The following NFIA variants were observed in gnomAD, a reference collection of about 807,000 sequenced individuals.
NFIA encodes the protein nuclear factor 1 A-type.
NFIA carries 8 observed loss-of-function variants against 62.8 expected under a neutral mutation model. The ratio of observed to expected loss-of-function variants is 0.13; its 90% CI spans 0.07 to 0.23. NFIA has a LOEUF of 0.23. Among genes scored for constraint, NFIA ranks in the 10% least tolerant of loss-of-function variants. NFIA has a pLI of 1.00. For missense variants in NFIA, 410 were observed against 642.1 expected (o/e 0.64, Z 3.91); for synonymous variants, 235 against 238.1 (o/e 0.99, Z 0.12).
At chr1:61,390,806 A>C (rs1487942402) in intron 7 of NFIA, among the ~76,000 whole-genome samples, 1 of 152,218 alleles carries the variant, frequency 6.6e-6, no homozygotes, top group Non-Finnish European at 1.5e-5. Flanking sequence ...TTTATCATTT[A>C]TCTCTGAATC....
At chr1:61,089,583 C>A (rs1008091405) in intron 2 of NFIA, among the ~76,000 whole-genome samples, 3 of 151,584 alleles carry the variant, frequency 2.0e-5, no homozygotes, top group African/African-American at 7.3e-5. Flanking sequence ...ATGTACATAT[C>A]GGTCTTGCTA....
intron 2 of NFIA, among the ~76,000 whole-genome samples, chr1:61,137,264 A>G (rs1647213562): frequency 6.6e-6 from 1 of 152,208 alleles, no homozygotes; most frequent in Non-Finnish European, 1.5e-5. Context: ...ATACCTTACC[A>G]TCTCATTTAA....
chr1:61,082,634 G>A lies in NFIA; in HGVS notation c.-158G>A. 2.0e-6 allele frequency: 3 copies of A among 1,513,150 alleles called. No homozygotes were observed. The South Asian group carries it at 3.8e-5, about 19-fold the overall frequency. The allele number at this position is 1,513,150 out of a possible 1,614,324, so 93.7% of individuals were successfully genotyped here. ...TGCAGTTGAGCCGACTTGGAAATGT[G>A]AACGCAAGAAGCAGGCTTGATTTTT... On this transcript the variant is annotated 5_prime_UTR_variant, in exon 1 of 11. An upstream open reading frame in the 5' UTR loses its in-frame stop. Coordinates refer to ENST00000403491, the MANE Select transcript of NFIA (RefSeq NM_001134673.4).
At chr1:61,101,331 G>T (rs916932808) in intron 2 of NFIA, among the ~76,000 whole-genome samples, 1 of 150,632 alleles carries the variant, frequency 6.6e-6, no homozygotes, top group South Asian at 2.1e-4. Flanking sequence ...GGAGGCAAAG[G>T]TTGTAGTGAG....
At chr1:61,341,563 C>T (rs905185945) in intron 4 of NFIA, among the ~76,000 whole-genome samples, 2 of 151,638 alleles carry the variant, frequency 1.3e-5, no homozygotes, top group African/African-American at 4.8e-5. Context: ...CCTGTAACTC[C>T]ACCTCCCAGG....
At chr1:61,254,061 A>T (rs1656222623) in intron 2 of NFIA, among the ~76,000 whole-genome samples, 1 of 152,114 alleles carries the variant, frequency 6.6e-6, no homozygotes, top group Admixed American at 6.5e-5. Context: ...AAGGTGTTTG[A>T]GTAAGACTTC....
At chr1:61,127,974 G>C (rs549621828) in intron 2 of NFIA, among the ~76,000 whole-genome samples, 70 of 152,276 alleles carry the variant, frequency 4.6e-4, no homozygotes, top group African/African-American at 1.7e-3. Context: ...AGCTCCTCAA[G>C]GGCAGGGACC....
intron 3 of NFIA, among the ~76,000 whole-genome samples, chr1:61,286,363 G>C (rs1465234422): frequency 1.3e-5 from 2 of 150,156 alleles, no homozygotes; most frequent in African/African-American, 4.9e-5. Flanking sequence ...GGGAGGCAGA[G>C]CTTGCAGTGA....
At chr1:61,234,281 C>A (rs955708120) in intron 2 of NFIA, among the ~76,000 whole-genome samples, 3 of 150,130 alleles carry the variant, frequency 2.0e-5, no homozygotes, top group African/African-American at 7.4e-5. Flanking sequence ...GCAGGAGAAT[C>A]GCTTGAACCC....
Position 61,265,630 on chromosome 1 carries a change from C to T in NFIA, c.560-11890C>T, listed in dbSNP as rs77789942. On this transcript the variant is annotated intron_variant, in intron 2 of 10. Transcript: ENST00000403491. ...TTATTGTCAATGTGGAAATTGAAAA[C>T]ACATTATTTTAATAATATAACGTAG... 4.5e-3 allele frequency among the ~76,000 whole-genome samples: 688 copies of T among 152,212 alleles called. 3 individuals are homozygous for T. The highest frequency in any genetic ancestry group is 0.021 in the Middle Eastern group (6 of 292).
Position 61,164,272 on chromosome 1 carries a change from G to A in NFIA, c.559+75592G>A, listed in dbSNP as rs560019058. On this transcript the variant is annotated intron_variant, in intron 2 of 10. Coordinates refer to ENST00000403491, the MANE Select transcript of NFIA (RefSeq NM_001134673.4). ...GTTGCCATATGTATGTTGAAGGTAG[G>A]ATAATGAAGGAGATACATTAGACTA... Among the ~76,000 whole-genome samples, 10 of 152,058 alleles carry A rather than the reference G, an allele frequency of 6.6e-5. 1 individual carries two copies. The South Asian group carries it at 1.5e-3, about 22-fold the overall frequency.
intron 2 of NFIA, among the ~76,000 whole-genome samples, chr1:61,135,727 G>A (rs557591870): frequency 6.6e-6 from 1 of 152,234 alleles, no homozygotes; most frequent in East Asian, 1.9e-4. Flanking sequence ...CACCTTAGGA[G>A]AACTTTCCAA....
chr1:61,097,168 G>A (rs985381755), intron 2 of NFIA, among the ~76,000 whole-genome samples: 3 of 152,076 alleles, frequency 2.0e-5, no homozygotes, highest in Admixed American at 6.5e-5. Flanking sequence ...TAAAAAAATA[G>A]TACTCATATC....
intron 4 of NFIA, among the ~76,000 whole-genome samples, chr1:61,343,826 T>G (rs1182972581): frequency 1.3e-5 from 2 of 152,158 alleles, no homozygotes; most frequent in Admixed American, 6.5e-5. Flanking sequence ...TCAGACTGAC[T>G]GCAGTGTGGT....
At chr1:61,369,739 G>A (rs926789451) in intron 6 of NFIA, among the ~76,000 whole-genome samples, 3 of 151,924 alleles carry the variant, frequency 2.0e-5, no homozygotes, top group African/African-American at 7.3e-5. Context: ...TGTTTATTGA[G>A]CACTTACTAT....
intron 6 of NFIA, among the ~76,000 whole-genome samples, chr1:61,359,529 C>G (rs1252426630): frequency 6.6e-6 from 1 of 152,172 alleles, no homozygotes; most frequent in Non-Finnish European, 1.5e-5. Context: ...TTCCCCTACA[C>G]CACAATCCAG....
At chr1:61,104,735 G>A (rs2100442369) in intron 2 of NFIA, among the ~76,000 whole-genome samples, 1 of 151,936 alleles carries the variant, frequency 6.6e-6, no homozygotes, top group East Asian at 1.9e-4. Context: ...AGAAATGATG[G>A]AAACATTTTG....
intron 2 of NFIA, among the ~76,000 whole-genome samples, chr1:61,197,385 C>A (rs1047469281): frequency 6.6e-6 from 1 of 151,326 alleles, no homozygotes; most frequent in African/African-American, 2.4e-5. Flanking sequence ...ATTACAGGCG[C>A]CTGCCACCAC....
At chr1:61,125,407 T>G (rs1366970818) in intron 2 of NFIA, among the ~76,000 whole-genome samples, 1 of 152,204 alleles carries the variant, frequency 6.6e-6, no homozygotes, top group Admixed American at 6.5e-5. Context: ...TCCTAAACCT[T>G]AGACTGTTTT....
Sources: gnomAD v4.1 joint callset for allele counts (sites outside exome capture counted in the v4.1 genomes callset) on GRCh38, gnomAD v4.1.1 for gene constraint, MANE v1.5 for transcripts, NCBI Gene and HGNC (gene_info 2026-07-23, HGNC 2026-07-21) for gene names.